Variants in TENM3 observed in about 807,000 individuals in gnomAD.
The protein encoded by TENM3 is teneurin transmembrane protein 3.
TENM3 carries 63 observed loss-of-function variants against 255.1 expected under a neutral mutation model. The observed-to-expected ratio is 0.25, with a 90% CI of 0.20 to 0.30. The LOEUF is 0.30. TENM3 is among the 10% of genes least tolerant of loss of function. The pLI is 1.00. For missense variants in TENM3, 2,929 were observed against 3,461.1 expected, an observed-to-expected ratio of 0.85 and a Z score of 3.86; for synonymous variants, 1,306 against 1,322.3, an observed-to-expected ratio of 0.99 and a Z score of 0.27.
chr4:181,800,654 T>C, the TENM3 span, among the ~76,000 whole-genome samples: 2 of 152,192 alleles, frequency 1.3e-5, no homozygotes, highest in East Asian at 3.9e-4. Context: ...TCCTTACCTA[T>C]AGAGGGAACA....
chr4:182,021,963 C>A, the TENM3 span, among the ~76,000 whole-genome samples: 1 of 152,034 alleles, frequency 6.6e-6, no homozygotes, highest in Non-Finnish European at 1.5e-5. Context: ...TAGTTCAGCC[C>A]CTCTGGAAGG....
the TENM3 span, among the ~76,000 whole-genome samples, chr4:182,137,112 T>C: frequency 1.3e-5 from 2 of 152,236 alleles, no homozygotes; most frequent in African/African-American, 2.4e-5. Context: ...GCAAGCTTTG[T>C]AATTTCTCAC....
chr4:182,396,740 T>A (rs1279721741), intron 3 of TENM3, among the ~76,000 whole-genome samples: 2 of 152,136 alleles, frequency 1.3e-5, no homozygotes, highest in African/African-American at 4.8e-5. Context: ...GGCGGGTGGA[T>A]CGCCTGAGGT....
intron 3 of TENM3, among the ~76,000 whole-genome samples, chr4:182,511,592 G>T (rs1377366628): frequency 1.3e-5 from 2 of 152,126 alleles, no homozygotes; most frequent in African/African-American, 4.8e-5. Flanking sequence ...GTCTTATTTA[G>T]TTATCTACCT....
the TENM3 span, among the ~76,000 whole-genome samples, chr4:182,109,573 G>A: frequency 1.3e-5 from 2 of 152,192 alleles, no homozygotes; most frequent in Non-Finnish European, 2.9e-5. Context: ...ATAAGGTGAA[G>A]TGTACGATAT....
At chr4:182,189,074 A>G (rs937063599) in intron 1 of TENM3, among the ~76,000 whole-genome samples, 3 of 152,192 alleles carry the variant, frequency 2.0e-5, no homozygotes, top group Non-Finnish European at 2.9e-5. Context: ...GTAATATTAA[A>G]TAATCAAAAT....
At chr4:181,734,009 T>A in the TENM3 span, among the ~76,000 whole-genome samples, 1 of 152,216 alleles carries the variant, frequency 6.6e-6, no homozygotes, top group Non-Finnish European at 1.5e-5. Flanking sequence ...CCAGATTTAA[T>A]TATTAAGCCA....
At chr4:181,481,577 C>G in the TENM3 span, among the ~76,000 whole-genome samples, 3 of 152,180 alleles carry the variant, frequency 2.0e-5, no homozygotes, top group Non-Finnish European at 4.4e-5. Context: ...TACAGTGATG[C>G]AACTAAGGCC....
intron 3 of TENM3, among the ~76,000 whole-genome samples, chr4:182,523,082 C>T (rs1259814902): frequency 6.6e-6 from 1 of 152,014 alleles, no homozygotes; most frequent in South Asian, 2.1e-4. Context: ...ACATGTTGGC[C>T]ATCTGTCTCT....
chr4:181,722,385 T>A, the TENM3 span, among the ~76,000 whole-genome samples: 4 of 152,212 alleles, frequency 2.6e-5, no homozygotes, highest in Admixed American at 2.0e-4. Flanking sequence ...GAGTATATCC[T>A]GTGGAGTATA....
At chr4:181,544,287 T>C in the TENM3 span, among the ~76,000 whole-genome samples, 1 of 151,826 alleles carries the variant, frequency 6.6e-6, no homozygotes, top group Non-Finnish European at 1.5e-5. Context: ...TTGTGTCTTT[T>C]AAAAATAAAC....
At chr4:182,351,737 G>T (rs1765194904) in intron 3 of TENM3, among the ~76,000 whole-genome samples, 2 of 152,108 alleles carry the variant, frequency 1.3e-5, no homozygotes, top group Non-Finnish European at 2.9e-5. Flanking sequence ...CCGGAGGCGG[G>T]ACTCCTGGTT....
the TENM3 span, among the ~76,000 whole-genome samples, chr4:182,021,490 C>T: frequency 2.6e-5 from 4 of 152,068 alleles, no homozygotes; most frequent in Non-Finnish European, 4.4e-5. Context: ...CAAATCCCCC[C>T]CAGAAAACTT....
At chr4:182,313,226 A>G (rs1259018761) in intron 1 of TENM3, among the ~76,000 whole-genome samples, 1 of 151,868 alleles carries the variant, frequency 6.6e-6, no homozygotes, top group Admixed American at 6.6e-5. Flanking sequence ...GCACTGTTCT[A>G]TATATTTTCC....
upstream of TENM3, chr4:182,142,600 T>A (rs1749527602): frequency 6.0e-6 from 1 of 167,342 alleles, no homozygotes; most frequent in Admixed American, 6.5e-5. Context: ...CGGAATCCTC[T>A]GCTCTGAAGC....
At chr4:181,766,618 A>C in the TENM3 span, among the ~76,000 whole-genome samples, 1 of 152,100 alleles carries the variant, frequency 6.6e-6, no homozygotes, top group Non-Finnish European at 1.5e-5. Flanking sequence ...ACCACCAAAA[A>C]TGAGAGTGAA....
the TENM3 span, among the ~76,000 whole-genome samples, chr4:181,897,867 A>G: frequency 6.6e-6 from 1 of 152,036 alleles, no homozygotes; most frequent in Admixed American, 6.6e-5. Context: ...TTCTTTTCTT[A>G]TTTTAAACTT....
the TENM3 span, among the ~76,000 whole-genome samples, chr4:182,040,440 T>A: frequency 1.3e-5 from 2 of 152,164 alleles, no homozygotes; most frequent in African/African-American, 4.8e-5. Context: ...GCAAAGCAAA[T>A]TCCCACCTTG....
chr4:181,702,931 A>G, the TENM3 span, among the ~76,000 whole-genome samples: 1 of 152,230 alleles, frequency 6.6e-6, no homozygotes, highest in Non-Finnish European at 1.5e-5. Flanking sequence ...TATGAAAAAA[A>G]AGCTAACACT....
Sources: gnomAD v4.1 joint callset for allele counts (sites outside exome capture counted in the v4.1 genomes callset) on GRCh38, gnomAD v4.1.1 for gene constraint, MANE v1.5 for transcripts, NCBI Gene and HGNC (gene_info 2026-07-23, HGNC 2026-07-21) for gene names.